GFM1: variants seen among roughly 807,000 people sequenced by gnomAD.
The protein encoded by GFM1 is G elongation factor mitochondrial 1.
A neutral mutation model predicts 96.2 loss-of-function variants in GFM1; 62 were observed. The observed-to-expected ratio is 0.64, with a 90% CI of 0.53 to 0.80. The LOEUF (loss-of-function observed/expected upper bound fraction) is 0.80. Ranked by LOEUF, GFM1 falls within the 30% of genes least tolerant of loss-of-function variation. The probability of loss-of-function intolerance (pLI) is 0.00; values close to 1 mark genes in which losing one functional copy is unlikely to be tolerated. For missense variants in GFM1, 852 were observed against 916.6 expected, an observed-to-expected ratio of 0.93 and a Z score of 0.91; for synonymous variants, 282 against 312.9, an observed-to-expected ratio of 0.90 and a Z score of 1.04.
Position 158,682,156 on chromosome 3 carries a change from A to G in GFM1, c.1763A>G (p.Lys588Arg). Residue 588 changes from lysine (K) to arginine (R), a missense_variant and splice_region_variant, in exon 14 of 18, where the codon AAG becomes AGG. Physicochemically the swap from Lys to Arg is conservative, Grantham distance 26. Coordinates refer to ENST00000486715, the MANE Select transcript of GFM1 (RefSeq NM_024996.7). ...AAGCAGTTTGTGCCTGCTGTAGAAA[A>G]GGTAAATTTTTAAAAAAGTGTTTTT... is the stretch of plus-strand genomic sequence containing the variant. The part of the protein sequence containing the change: ...IPKQFVPAVE[K>R]GFLDACEKGP... 5 of 1,612,384 alleles carry G rather than the reference A, an allele frequency of 3.1e-6. No homozygotes were observed. Among genetic ancestry groups the G allele is most frequent in the Non-Finnish European group, 4.2e-6 (5 of 1,178,984 alleles).
At chr3:158,668,993 T>TA (rs754819499) in intron 13 of GFM1, 19 of 1,605,922 alleles carry the variant, frequency 1.2e-5, no homozygotes, top group African/African-American at 2.7e-5. Flanking sequence ...AGAAACTACT[T>TA]ACCACTTGCT....
chr3:158,666,558 G>T, intron 13 of GFM1, 172 bp downstream of exon 13: 1 of 1,262,184 alleles, frequency 7.9e-7, no homozygotes, highest in East Asian at 2.3e-5. Context: ...TGACACTTTG[G>T]GATTATTTGG....
intron 7 of GFM1, 124 bp from the exon 8 acceptor site, chr3:158,654,423 G>C: frequency 1.6e-6 from 1 of 640,834 alleles, no homozygotes; most frequent in East Asian, 2.9e-5. Context: ...TTTTACTTAT[G>C]TGTGACAGCA....
Position 158,686,721 on chromosome 3 carries a change from G to GTTTTTT in GFM1, c.1909+2071_1909+2076dup, listed in dbSNP as rs67517331. Among the ~76,000 whole-genome samples, 368 of 85,732 alleles carry GTTTTTT rather than the reference G, an allele frequency of 4.3e-3. 16 individuals carry two copies. Among genetic ancestry groups the GTTTTTT allele is most frequent in the Middle Eastern group, 0.014 (1 of 72 alleles). The allele number at this position is 85,732 out of a possible 152,430, so 56.2% of individuals were successfully genotyped here. On this transcript the variant is annotated intron_variant, in intron 15 of 17. Transcript: ENST00000486715. ...AACACTAGATTATAATTGAATTGAG[G>GTTTTTT]TTTTTTTTTTTTTTTTTTTTTTTGA...
chr3:158,690,334 T>G lies in GFM1; in HGVS notation c.2070+11T>G, dbSNP rs150000838. On this transcript the variant is annotated intron_variant, in intron 16 of 17. Coordinates refer to ENST00000486715, the MANE Select transcript of GFM1 (RefSeq NM_024996.7). ...ACACTGTATGCAGATGTAAGTAGTC[T>G]TGGTCATTGGCAGTCCTGCTTTTAT... The G allele has an allele frequency of 7.3e-4, 1,178 of 1,612,316 alleles. 12 individuals carry two copies. In the African/African-American group the frequency reaches 0.012, roughly 17 times the overall value.
rs1460781858 is a variant in GFM1 at position 158,692,670 on chromosome 3, A to G, written c.*1203A>G. 1 of 151,662 alleles carries G rather than the reference A, an allele frequency of 6.6e-6. No homozygotes were observed. Among genetic ancestry groups the G allele is most frequent in the Non-Finnish European group, 1.5e-5 (1 of 67,938 alleles). 9.4% of individuals were successfully genotyped at this position (151,662 alleles called of 1,614,324 possible). A position where few individuals can be genotyped will look rare whatever the true frequency, so the allele number is the denominator to read the frequency against. On this transcript the variant is annotated 3_prime_UTR_variant, in exon 18 of 18. Coordinates refer to ENST00000486715, the MANE Select transcript of GFM1 (RefSeq NM_024996.7). Reference sequence around the variant, plus strand: ...AGTATTGAGCACATGTTTTCAAGGCATTTGCTAAATACTTTTTTTTTTTTA... The same window carrying G: ...AGTATTGAGCACATGTTTTCAAGGCGTTTGCTAAATACTTTTTTTTTTTTA...
intron 14 of GFM1, among the ~76,000 whole-genome samples, chr3:158,684,069 G>A (rs1233963519): frequency 6.6e-6 from 1 of 152,140 alleles, no homozygotes; most frequent in Non-Finnish European, 1.5e-5. Context: ...GATGGAGCTA[G>A]AGGCCATTAT....
chr3:158,684,504 T>C lies in GFM1; in HGVS notation c.1765-20T>C, dbSNP rs777768940. 2 of 1,613,818 alleles carry C rather than the reference T, an allele frequency of 1.2e-6. No homozygotes were observed. The highest frequency in any genetic ancestry group is 1.7e-6 in the Non-Finnish European group (2 of 1,179,752). ...AAGTAAAATCCACTCACTCCAGAAG[T>C]TGTGTTCATTCATTAACAGGGGTTT... On this transcript the variant is annotated intron_variant, in intron 14 of 17. Coordinates refer to ENST00000486715, the MANE Select transcript of GFM1 (RefSeq NM_024996.7).
At chr3:158,668,878 C>T in intron 13 of GFM1, 1 of 892,836 alleles carries the variant, frequency 1.1e-6, no homozygotes, top group Non-Finnish European at 1.7e-6. Context: ...CCTTTGAAAT[C>T]CCAGGTTTGC....
chr3:158,650,258 T>C, intron 5 of GFM1: 1 of 589,212 alleles, frequency 1.7e-6, no homozygotes. Context: ...TTTGTTTTTC[T>C]TTTTTCCTAC....
intron 13 of GFM1, among the ~76,000 whole-genome samples, chr3:158,670,072 T>C (rs1187264997): frequency 2.0e-5 from 3 of 152,234 alleles, no homozygotes; most frequent in African/African-American, 7.2e-5. Context: ...TTATGCTTTG[T>C]AAAGATGGCT....
At chr3:158,662,999 G>C (rs897974189) in intron 11 of GFM1, among the ~76,000 whole-genome samples, 3 of 152,070 alleles carry the variant, frequency 2.0e-5, no homozygotes, top group Non-Finnish European at 4.4e-5. Flanking sequence ...GGGGAATCGG[G>C]CACTTCTCCT....
At chr3:158,653,283 C>T in intron 6 of GFM1, 27 bp from the exon 7 acceptor site, 1 of 1,580,396 alleles carries the variant, frequency 6.3e-7, no homozygotes, top group South Asian at 1.1e-5. Context: ...TTAACATTAA[C>T]TACCATTAAA....
Position 158,652,196 on chromosome 3 carries a change from C to T in GFM1, c.790C>T (p.Leu264Phe), listed in dbSNP as rs958860760. ...ATGTGTTGCCAATTCAGATGAACAG[C>T]TTGGTGAGATGTTTCTGGAAGAAAA... ...IECVANSDEQ[L>F]GEMFLEEKIP... The change falls in exon 6 of 18, where the codon CTT becomes TTT. Residue 264 changes from leucine to phenylalanine, a missense_variant. Physicochemically the swap from Leu to Phe is conservative, Grantham distance 22. Transcript: ENST00000486715. The T allele has an allele frequency of 6.2e-7, 1 of 1,613,970 alleles. No homozygotes were observed. The highest frequency in any genetic ancestry group is 1.7e-5 in the Admixed American group (1 of 60,012).
intron 13 of GFM1, chr3:158,672,687 T>A (rs1724472798): frequency 2.0e-6 from 1 of 502,366 alleles, no homozygotes; most frequent in Non-Finnish European, 3.5e-6. Context: ...CTGGGCTGAC[T>A]GCTTCTGAGG....
chr3:158,646,646 A>G (rs915684951), intron 3 of GFM1, 97 bp from the exon 4 acceptor site: 5 of 1,027,048 alleles, frequency 4.9e-6, no homozygotes, highest in Non-Finnish European at 7.4e-6. Flanking sequence ...TTATTAGAAG[A>G]CTTATGTGAT....
At chr3:158,682,981 G>A (rs997988253) in intron 14 of GFM1, among the ~76,000 whole-genome samples, 6 of 151,492 alleles carry the variant, frequency 4.0e-5, no homozygotes, top group African/African-American at 1.5e-4. Context: ...ACTGTGGTGA[G>A]CTGTGCACCA....
At chr3:158,670,464 G>A (rs892903565) in intron 13 of GFM1, among the ~76,000 whole-genome samples, 20 of 152,168 alleles carry the variant, frequency 1.3e-4, no homozygotes, top group Admixed American at 1.1e-3. Flanking sequence ...AACTTCTTAA[G>A]AAATTCATTT....
At chr3:158,668,906 C>T in intron 13 of GFM1, 1 of 1,179,734 alleles carries the variant, frequency 8.5e-7, no homozygotes, top group South Asian at 1.5e-5. Context: ...TACAAAATGA[C>T]TATAGGAATA....
Sources: allele counts gnomAD v4.1 joint callset (sites outside exome capture counted in the v4.1 genomes callset), GRCh38; gene constraint gnomAD v4.1.1; transcripts MANE v1.5; gene names NCBI Gene and HGNC (gene_info 2026-07-23, HGNC 2026-07-21).